The following METTL16 variants were observed in gnomAD, a reference collection of about 807,000 sequenced individuals.
The protein encoded by METTL16 is methyltransferase 16, RNA N6-adenosine, also known as RNA N(6)-adenosine-methyltransferase METTL16.
METTL16 carries 19 observed loss-of-function variants against 57.9 expected under a neutral mutation model. The observed-to-expected ratio is 0.33, with a 90% confidence interval of 0.23 to 0.48. The LOEUF is 0.48. METTL16 is among the 20% of genes least tolerant of loss of function. The pLI is 0.99. For missense variants in METTL16, 434 were observed against 691.5 expected, an observed-to-expected ratio of 0.63 and a Z score of 4.18; for synonymous variants, 246 against 255.6, an observed-to-expected ratio of 0.96 and a Z score of 0.36.
intron 4 of METTL16, 34 bp downstream of exon 4, chr17:2,473,490 C>G: frequency 6.4e-7 from 1 of 1,573,430 alleles, no homozygotes; most frequent in Non-Finnish European, 8.6e-7. Flanking sequence ...GGTGAAGACA[C>G]AAAGTTTGGA....
chr17:2,450,491 T>C (rs2067060591), intron 6 of METTL16, among the ~76,000 whole-genome samples: 2 of 152,206 alleles, frequency 1.3e-5, no homozygotes, highest in African/African-American at 2.4e-5. Flanking sequence ...TTCAGGGTGA[T>C]GGAAATGTTC....
At chr17:2,487,203 AC>A (rs1407615020) in intron 2 of METTL16, among the ~76,000 whole-genome samples, 2 of 152,130 alleles carry the variant, frequency 1.3e-5, no homozygotes, top group Non-Finnish European at 2.9e-5. Context: ...AGGCGGTGCC[AC>A]CCTAACTGAA....
At chr17:2,440,994 A>AAAAAG (rs1555616313) in intron 7 of METTL16, among the ~76,000 whole-genome samples, 35 of 118,852 alleles carry the variant, frequency 2.9e-4, no homozygotes, top group African/African-American at 5.1e-4. Context: ...AAAAAAAAAA[A>AAAAAG]AAGAAGAAGA....
rs761726784 is a variant in METTL16 at position 2,420,333 on chromosome 17, G to A, written c.1326C>T (p.Ala442=). 10 of 1,611,794 alleles carry A rather than the reference G, an allele frequency of 6.2e-6. 1 individual carries two copies. Among genetic ancestry groups the A allele is most frequent in the South Asian group, 3.3e-5 (3 of 91,092 alleles). ...CGPALREGEA[A]AVEGPCPSQE... is the part of the protein sequence containing the mutation. ...GGCTCGGGCACGGGCCCTCCACAGC[G>A]GCAGCCTCGCCTTCCCGCAGAGCAG... Residue 442 remains alanine, a synonymous_variant, in exon 10 of 10, where the codon GCC becomes GCT. Transcript: ENST00000263092. This position sits in a 1 kb window ranked among gnomAD's most constrained non-coding sequence, Gnocchi z 5.4.
chr17:2,449,602 T>C (rs1459344634), intron 6 of METTL16, among the ~76,000 whole-genome samples: 1 of 152,170 alleles, frequency 6.6e-6, no homozygotes, highest in Admixed American at 6.5e-5. Flanking sequence ...CTATGATAAT[T>C]CAGACCATAT....
chr17:2,433,366 G>T (rs746125726), intron 8 of METTL16, among the ~76,000 whole-genome samples: 10 of 152,172 alleles, frequency 6.6e-5, no homozygotes, highest in Non-Finnish European at 1.3e-4. Flanking sequence ...GCCAAACGAG[G>T]AGCTGTACTT....
At chr17:2,482,081 C>G (rs1222391808) in intron 2 of METTL16, among the ~76,000 whole-genome samples, 1 of 152,162 alleles carries the variant, frequency 6.6e-6, no homozygotes, top group African/African-American at 2.4e-5. Context: ...AACAGATAAA[C>G]ATTTTGAGTA....
chr17:2,502,865 C>T (rs1046259093), intron 1 of METTL16, among the ~76,000 whole-genome samples: 3 of 151,908 alleles, frequency 2.0e-5, no homozygotes, highest in South Asian at 2.1e-4. Context: ...ATCAAAACCA[C>T]GTGAGACACC....
chr17:2,498,322 G>C (rs541177045), intron 2 of METTL16, among the ~76,000 whole-genome samples: 1 of 151,548 alleles, frequency 6.6e-6, no homozygotes, highest in East Asian at 1.9e-4. Context: ...TGAGGCAGGA[G>C]AATCTCTTGA....
rs112114691 is a variant in METTL16, at chr17:2,463,936, G to C, written c.728+272C>G. Among the ~76,000 whole-genome samples the C allele has an allele frequency of 2.2e-3, 338 of 151,916 alleles. 1 individual carries two copies. The highest frequency in any genetic ancestry group is 6.8e-3 in the Middle Eastern group (2 of 294). ...GAGGCTAGGAGTTCCAGACCAGCCT[G>C]GCCAAAATGGTGAAACCCCCTTGTC... On this transcript the variant is annotated intron_variant, in intron 6 of 9. Coordinates refer to ENST00000263092, the MANE Select transcript of METTL16 (RefSeq NM_024086.4).
At chr17:2,481,059 C>G (rs2067302218) in intron 2 of METTL16, among the ~76,000 whole-genome samples, 1 of 151,972 alleles carries the variant, frequency 6.6e-6, no homozygotes, top group Non-Finnish European at 1.5e-5. Flanking sequence ...CAAAAATTAG[C>G]CAAGCATAGT....
intron 6 of METTL16, among the ~76,000 whole-genome samples, chr17:2,452,836 T>C (rs2067080917): frequency 6.6e-6 from 1 of 152,088 alleles, no homozygotes; most frequent in Admixed American, 6.6e-5. Context: ...TAAAAGCGTG[T>C]ATTGTTTTTT....
intron 3 of METTL16, among the ~76,000 whole-genome samples, chr17:2,476,911 G>A (rs6502272): frequency 0.025 from 3,849 of 151,500 alleles, 155 homozygotes; most frequent in African/African-American, 0.087. Flanking sequence ...AGTCGAGACC[G>A]TGCTATTGCA....
Position 2,492,368 on chromosome 17 carries a change from T to G in METTL16, c.128+9836A>C, listed in dbSNP as rs184559644. On this transcript the variant is annotated intron_variant, in intron 2 of 9. Transcript: ENST00000263092. ...ATCTAATTGCAATGGTCAGATATGATTATAACAAAGCAGTGACATGCAGGG... is the reference window on the plus strand; with the variant it reads ...ATCTAATTGCAATGGTCAGATATGAGTATAACAAAGCAGTGACATGCAGGG... Among the ~76,000 whole-genome samples the G allele has an allele frequency of 8.8e-5, 13 of 148,556 alleles. No individual in the cohort carries two copies. The East Asian group carries it at 1.5e-3, about 18-fold the overall frequency.
intron 2 of METTL16, among the ~76,000 whole-genome samples, chr17:2,478,152 G>T (rs752666075): frequency 6.6e-6 from 1 of 152,138 alleles, no homozygotes; most frequent in South Asian, 2.1e-4. Flanking sequence ...TTCCTGTCTC[G>T]TCGTCTCCTC....
rs376112549 is a variant in METTL16, at chr17:2,428,602, T to TATATATATATTAAA, written c.889-7699_889-7698insTTTAATATATATAT. The stretch of plus-strand genomic sequence containing the variant: ...ATATATATATATATATATATATATA[T>TATATATATATTAAA]AAATTGTAATACAGCGGGGCACAGT... On this transcript the variant is annotated intron_variant, in intron 8 of 9. Transcript: ENST00000263092. Among the ~76,000 whole-genome samples, 54 of 94,964 alleles carry TATATATATATTAAA rather than the reference T, an allele frequency of 5.7e-4. 1 individual carries two copies. The highest frequency in any genetic ancestry group is 1.6e-3 in the African/African-American group (34 of 21,416). 62.3% of individuals were successfully genotyped at this position (94,964 alleles called of 152,430 possible).
intron 2 of METTL16, among the ~76,000 whole-genome samples, chr17:2,492,172 C>A (rs574078040): frequency 6.6e-6 from 1 of 152,072 alleles, no homozygotes; most frequent in Non-Finnish European, 1.5e-5. Context: ...GATTGCGCCA[C>A]TGCACTCCAG....
Position 2,420,850 on chromosome 17 carries a change from C to T in METTL16, c.943G>A (p.Val315Met), listed in dbSNP as rs773646039. Residue 315 changes from valine to methionine, a missense_variant, in exon 9 of 10, where the codon GTG becomes ATG. By Grantham distance (21) the Val-to-Met change is conservative. Transcript: ENST00000263092. The surrounding 1 kb of genome is among the most constrained non-coding windows in gnomAD (Gnocchi z 5.4). ...TCCTTCATCACGGACGCCAGCACCA[C>T]GAATGTTATGGGTTTTCTCGGTTTC... ...LEKPRKPITF[V>M]VLASVMKELS... The T allele has an allele frequency of 1.8e-5, 29 of 1,614,014 alleles. No individual in the cohort carries two copies. The highest frequency in any genetic ancestry group is 6.7e-5 in the Admixed American group (4 of 59,978).
Position 2,486,032 on chromosome 17 carries a change from C to A in METTL16, c.129-8147G>T, listed in dbSNP as rs544629916. On this transcript the variant is annotated intron_variant, in intron 2 of 9. Transcript: ENST00000263092. ...ATTCTAGGGTCCTAGGTAAAGCAAACCGCAAGTACAAAGACCCTAAGGCAG... is the reference window on the plus strand; with the variant it reads ...ATTCTAGGGTCCTAGGTAAAGCAAAACGCAAGTACAAAGACCCTAAGGCAG... Among the ~76,000 whole-genome samples, 126 of 152,218 alleles carry A rather than the reference C, an allele frequency of 8.3e-4. 1 individual carries two copies. The highest frequency in any genetic ancestry group is 2.7e-3 in the African/African-American group (113 of 41,536).
Sources: gnomAD v4.1 joint callset for allele counts (sites outside exome capture counted in the v4.1 genomes callset) on GRCh38, gnomAD v4.1.1 for gene constraint, Gnocchi (gnomAD v3.1) non-coding constraint, MANE v1.5 for transcripts, NCBI Gene and HGNC (gene_info 2026-07-23, HGNC 2026-07-21) for gene names.